Variants in SRBD1 observed in about 807,000 individuals in gnomAD.
SRBD1 encodes S1 RNA binding domain 1.
SRBD1 carries 88 observed loss-of-function variants against 115.3 expected under a neutral mutation model. That is an observed-to-expected ratio of 0.76 (90% CI 0.64 to 0.91). The LOEUF (loss-of-function observed/expected upper bound fraction) is 0.91. SRBD1 is among the 40% of genes least tolerant of loss of function. SRBD1 has a pLI of 0.00. For missense variants in SRBD1, 1,385 were observed against 1,177.4 expected (o/e 1.18, Z -2.58); for synonymous variants, 509 against 407.7 (o/e 1.25, Z -2.99).
chr2:45,489,043 C>G (rs1425670793), intron 14 of SRBD1, among the ~76,000 whole-genome samples: 2 of 152,140 alleles, frequency 1.3e-5, no homozygotes, highest in Non-Finnish European at 2.9e-5. Flanking sequence ...TTCTTTGGCT[C>G]CAAATACCAT....
At chr2:45,475,699 C>T (rs1669784014) in intron 16 of SRBD1, among the ~76,000 whole-genome samples, 1 of 152,142 alleles carries the variant, frequency 6.6e-6, no homozygotes, top group South Asian at 2.1e-4. Context: ...ACTGTTATAG[C>T]TGTACTTTTT....
intron 16 of SRBD1, among the ~76,000 whole-genome samples, chr2:45,442,548 G>C (rs755687342): frequency 1.2e-4 from 18 of 152,174 alleles, no homozygotes; most frequent in Non-Finnish European, 2.1e-4. Flanking sequence ...ATTTAGAAAA[G>C]AGATATGGAT....
At chr2:45,579,675 A>C (rs1249795922) in intron 7 of SRBD1, among the ~76,000 whole-genome samples, 200 bp downstream of exon 7, 2 of 152,094 alleles carry the variant, frequency 1.3e-5, no homozygotes, top group Non-Finnish European at 2.9e-5. Flanking sequence ...CGGGCAAAAG[A>C]CTAGAACAGG....
Position 45,476,993 on chromosome 2 carries a change from C to G in SRBD1, c.2049G>C (p.Gln683His). 6.2e-7 allele frequency: 1 copy of G among 1,613,290 alleles called. No individual in the cohort carries two copies. Among genetic ancestry groups the G allele is most frequent in the Non-Finnish European group, 8.5e-7 (1 of 1,179,554 alleles). ...EPKHIGVGMY[Q>H]HDVSQTLLKA... The stretch of plus-strand genomic sequence containing the variant: ...AATTAAATGATCCACATAGCTTTAC[C>G]TGATACATTCCAACTCCAATGTGCT... Residue 683 changes from glutamine to histidine, a missense_variant and splice_region_variant, in exon 16 of 21, where the codon CAG (glutamine) becomes CAC (histidine). Gln to His is a conservative substitution (Grantham distance 24). Transcript: ENST00000263736.
intron 14 of SRBD1, among the ~76,000 whole-genome samples, chr2:45,533,579 T>C (rs1251739874): frequency 6.6e-6 from 1 of 152,050 alleles, no homozygotes; most frequent in Non-Finnish European, 1.5e-5. Context: ...AGGAAATTGG[T>C]GAATTCCACT....
intron 14 of SRBD1, among the ~76,000 whole-genome samples, chr2:45,500,782 A>G (rs1160138839): frequency 6.6e-6 from 1 of 152,124 alleles, no homozygotes; most frequent in Non-Finnish European, 1.5e-5. Flanking sequence ...TATCACTTCT[A>G]AGAGTTTTTT....
chr2:45,490,657 T>G (rs998852263), intron 14 of SRBD1, among the ~76,000 whole-genome samples: 1 of 152,134 alleles, frequency 6.6e-6, no homozygotes, highest in Non-Finnish European at 1.5e-5. Flanking sequence ...AAATAAAAAT[T>G]CCAATTAACT....
chr2:45,594,337 A>G (rs1023809866), intron 4 of SRBD1, among the ~76,000 whole-genome samples: 1 of 152,178 alleles, frequency 6.6e-6, no homozygotes, highest in African/African-American at 2.4e-5. Flanking sequence ...TGTTTAGCAA[A>G]CTTTACTAAG....
intron 16 of SRBD1, among the ~76,000 whole-genome samples, chr2:45,428,264 G>A (rs1014938685): frequency 3.9e-5 from 6 of 152,120 alleles, no homozygotes; most frequent in Non-Finnish European, 7.4e-5. Context: ...GATAAATAAC[G>A]AAATTAAGGC....
intron 19 of SRBD1, among the ~76,000 whole-genome samples, chr2:45,405,506 A>G (rs1432065599): frequency 6.6e-6 from 1 of 152,182 alleles, no homozygotes; most frequent in Non-Finnish European, 1.5e-5. Context: ...AGAGCTTAGA[A>G]AGGCCTGAAC....
At chr2:45,591,316 A>G (rs1673717505) in intron 4 of SRBD1, among the ~76,000 whole-genome samples, 2 of 152,166 alleles carry the variant, frequency 1.3e-5, no homozygotes, top group Non-Finnish European at 2.9e-5. Flanking sequence ...TTGACTCCCT[A>G]TGATTTCATC....
intron 14 of SRBD1, among the ~76,000 whole-genome samples, chr2:45,526,577 T>C (rs950978375): frequency 1.3e-5 from 2 of 151,932 alleles, no homozygotes; most frequent in African/African-American, 4.8e-5. Flanking sequence ...AATCGCTGAA[T>C]TATATACTTC....
intron 14 of SRBD1, among the ~76,000 whole-genome samples, chr2:45,519,048 G>A (rs987640329): frequency 2.0e-5 from 3 of 151,562 alleles, no homozygotes; most frequent in African/African-American, 7.3e-5. Context: ...AAATTGGTAG[G>A]TAAGACAAAA....
chr2:45,599,238 C>T (rs1176519937), intron 4 of SRBD1, among the ~76,000 whole-genome samples: 2 of 152,120 alleles, frequency 1.3e-5, no homozygotes, highest in African/African-American at 4.8e-5. Context: ...CCAAGAGAGG[C>T]CACACATCTT....
intron 14 of SRBD1, among the ~76,000 whole-genome samples, chr2:45,497,270 A>G (rs1224908836): frequency 6.6e-6 from 1 of 152,242 alleles, no homozygotes; most frequent in African/African-American, 2.4e-5. Flanking sequence ...TCATGGGGAC[A>G]TACCAAGAAC....
At chr2:45,443,805 GAAAA>G (rs10611144) in intron 16 of SRBD1, among the ~76,000 whole-genome samples, 1 of 130,736 alleles carries the variant, frequency 7.6e-6, no homozygotes, top group African/African-American at 2.8e-5. Context: ...AAGTTATTTT[GAAAA>G]AAAAAAAAAA....
At chr2:45,599,931 C>A in intron 3 of SRBD1, 96 bp from the exon 4 acceptor site, 1 of 1,318,160 alleles carries the variant, frequency 7.6e-7, no homozygotes, top group East Asian at 2.5e-5. Flanking sequence ...ATTATTGATA[C>A]ACACAATAAC....
intron 9 of SRBD1, among the ~76,000 whole-genome samples, chr2:45,565,272 G>A (rs573547277): frequency 2.4e-4 from 37 of 152,230 alleles, no homozygotes; most frequent in African/African-American, 8.7e-4. Context: ...GTGGGGACTG[G>A]CATAAGGATA....
At chr2:45,596,883 C>T (rs1274960972) in intron 4 of SRBD1, among the ~76,000 whole-genome samples, 1 of 151,510 alleles carries the variant, frequency 6.6e-6, no homozygotes, top group Admixed American at 6.6e-5. Flanking sequence ...CATCTTCTGG[C>T]CCAGAAATGC....
Sources: gnomAD v4.1 joint callset for allele counts (sites outside exome capture counted in the v4.1 genomes callset) on GRCh38, gnomAD v4.1.1 for gene constraint, MANE v1.5 for transcripts, NCBI Gene and HGNC (gene_info 2026-07-23, HGNC 2026-07-21) for gene names.